The following SGO2 variants were observed in gnomAD, a reference collection of about 807,000 sequenced individuals.
SGO2 encodes shugoshin 2.
SGO2 carries 68 observed loss-of-function variants against 99.5 expected under a neutral mutation model. The observed-to-expected ratio is 0.68, with a 90% CI of 0.56 to 0.84. The LOEUF (loss-of-function observed/expected upper bound fraction) is 0.84, where lower values mean the gene tolerates loss of function less well. Ranked by LOEUF, SGO2 falls within the 40% of genes least tolerant of loss-of-function variation. The probability of loss-of-function intolerance (pLI) is 0.00; values close to 1 mark genes in which losing one functional copy is unlikely to be tolerated. For missense variants in SGO2, 1,350 were observed against 1,436.7 expected (o/e 0.94, Z 0.97); for synonymous variants, 457 against 487.1 (o/e 0.94, Z 0.81).
At chr2:200,538,033 T>C (rs1024976672) in intron 4 of SGO2, among the ~76,000 whole-genome samples, 2 of 152,208 alleles carry the variant, frequency 1.3e-5, no homozygotes, top group Non-Finnish European at 2.9e-5. Flanking sequence ...GGCACTGTTA[T>C]GTCTTACTTA....
intron 1 of SGO2, among the ~76,000 whole-genome samples, chr2:200,529,217 T>G (rs748065113): frequency 6.6e-5 from 10 of 152,250 alleles, no homozygotes; most frequent in Non-Finnish European, 1.2e-4. Flanking sequence ...TGTTTCATTT[T>G]CATGCATTTA....
intron 5 of SGO2, among the ~76,000 whole-genome samples, chr2:200,563,252 G>T (rs187929389): frequency 1.3e-5 from 2 of 152,140 alleles, no homozygotes; most frequent in Non-Finnish European, 2.9e-5. Context: ...AATTTATTGG[G>T]AGTTTTTAGC....
rs765940160 is a variant in SGO2, at chr2:200,573,018, C to T, written c.2672C>T (p.Thr891Ile). The change falls in exon 7 of 9, where the codon ACT becomes ATT. Residue 891 changes from threonine (T) to isoleucine (I), a missense_variant. By Grantham distance (89) the Thr-to-Ile change is moderately conservative. Transcript: ENST00000357799. ...ATATTGGAGTTGAAAAAGTATGTTACTGATAGGAAATCTGCTGAGCAAAAT... is the reference window on the plus strand; with the variant it reads ...ATATTGGAGTTGAAAAAGTATGTTATTGATAGGAAATCTGCTGAGCAAAAT... ...QNILELKKYV[T>I]DRKSAEQNES... The T allele has an allele frequency of 1.3e-6, 2 of 1,570,766 alleles. No homozygotes were observed. Among genetic ancestry groups the T allele is most frequent in the Non-Finnish European group, 1.7e-6 (2 of 1,165,308 alleles).
At chr2:200,563,728 A>G (rs1263031512) in intron 5 of SGO2, among the ~76,000 whole-genome samples, 1 of 152,162 alleles carries the variant, frequency 6.6e-6, no homozygotes. Flanking sequence ...TATTGCCTCA[A>G]TTTCAGAACC....
rs1404920022 is a variant in SGO2, at chr2:200,573,809, G to A, written c.3463G>A (p.Val1155Ile). The change falls in exon 7 of 9, where the codon GTT (valine) becomes ATT (isoleucine). Residue 1155 changes from valine to isoleucine, a missense_variant. Coordinates refer to ENST00000357799, the MANE Select transcript of SGO2 (RefSeq NM_152524.6). ...PNIQDSSFDSVREGLVPLSVS... is the reference protein window; with the variant it reads ...PNIQDSSFDSIREGLVPLSVS... The stretch of plus-strand genomic sequence containing the variant: ...CATACAAGATTCTTCCTTTGACAGT[G>A]TTCGTGAAGGTTTAGTACCTTTGAG... 6.2e-7 allele frequency: 1 copy of A among 1,612,834 alleles called. No homozygotes were observed. Among genetic ancestry groups the A allele is most frequent in the Non-Finnish European group, 8.5e-7 (1 of 1,179,334 alleles).
In SGO2 at chr2:200,572,248, TAAAGATGTGGTGCATGGCCTAAA is replaced by T; in HGVS notation, c.1906_1928del (p.Asp636ArgfsTer2). 6.2e-7 allele frequency: 1 copy of T among 1,612,540 alleles called. No homozygotes were observed. Among genetic ancestry groups the T allele is most frequent in the Non-Finnish European group, 8.5e-7 (1 of 1,179,478 alleles). On this transcript the variant is annotated frameshift_variant, in exon 7 of 9. Transcript: ENST00000357799. LOFTEE classifies it high-confidence loss of function. ...TGAACCACATGTATGAGGATAATGA[TAAAGATGTGGTGCATGGCCTAAA>T]AAAAGGTAATTTTTTTTTCAAAACC...
intron 4 of SGO2, 151 bp from the exon 5 acceptor site, chr2:200,542,428 C>T: frequency 3.8e-6 from 2 of 525,052 alleles, no homozygotes; most frequent in Non-Finnish European, 6.7e-6. Flanking sequence ...GTGTTTTAAC[C>T]TTATTATCAC....
intron 5 of SGO2, among the ~76,000 whole-genome samples, chr2:200,547,408 A>G (rs2032276597): frequency 6.6e-6 from 1 of 152,218 alleles, no homozygotes; most frequent in Non-Finnish European, 1.5e-5. Context: ...TCTGAAAGTA[A>G]AAAACACTAC....
chr2:200,544,487 G>A (rs995794861), intron 5 of SGO2, among the ~76,000 whole-genome samples: 1 of 152,102 alleles, frequency 6.6e-6, no homozygotes, highest in African/African-American at 2.4e-5. Flanking sequence ...TTACCATGTT[G>A]GCCAGGCTGA....
rs148564304 is a variant in SGO2 at position 200,583,129 on chromosome 2, T to C, written c.3783-320T>C. Among the ~76,000 whole-genome samples, 171 of 152,300 alleles carry C rather than the reference T, an allele frequency of 1.1e-3. 1 individual carries two copies. Among genetic ancestry groups the C allele is most frequent in the African/African-American group, 4.0e-3 (165 of 41,580 alleles). ...TGTAGGAACATGAGCATTTACTTTG[T>C]TTTTAAATGGTATATTTTCACATGT... On this transcript the variant is annotated intron_variant, in intron 8 of 8. Transcript: ENST00000357799.
intron 5 of SGO2, 187 bp downstream of exon 5, chr2:200,542,851 A>G (rs1345472196): frequency 7.2e-6 from 3 of 414,696 alleles, no homozygotes; most frequent in Non-Finnish European, 1.3e-5. Context: ...CTTACGGTCA[A>G]TCCCCCAACC....
intron 8 of SGO2, among the ~76,000 whole-genome samples, chr2:200,580,763 A>C (rs1559222992): frequency 6.6e-6 from 1 of 152,210 alleles, no homozygotes; most frequent in Non-Finnish European, 1.5e-5. Context: ...TGGGCCTGGT[A>C]GGTCAAGGCT....
Position 200,572,264 on chromosome 2 carries a change from G to T in SGO2, c.1918G>T (p.Gly640Cys), listed in dbSNP as rs1370103299. 6 of 1,610,848 alleles carry T rather than the reference G, an allele frequency of 3.7e-6. No homozygotes were observed. The South Asian group carries it at 6.6e-5, about 18-fold the overall frequency. The change falls in exon 7 of 9, where the codon GGC becomes TGC. Residue 640 changes from glycine (G) to cysteine (C), a missense_variant. Gly to Cys is a radical substitution (Grantham distance 159). Coordinates refer to ENST00000357799, the MANE Select transcript of SGO2 (RefSeq NM_152524.6). ...YEDNDKDVVH[G>C]LKKGNFFFKT... is the part of the protein sequence containing the mutation. The stretch of plus-strand genomic sequence containing the variant: ...GGATAATGATAAAGATGTGGTGCAT[G>T]GCCTAAAAAAAGGTAATTTTTTTTT...
chr2:200,578,822 G>A (rs2033748381), intron 8 of SGO2, among the ~76,000 whole-genome samples: 1 of 152,108 alleles, frequency 6.6e-6, no homozygotes, highest in Non-Finnish European at 1.5e-5. Flanking sequence ...ATCCTCTCAT[G>A]GTTTTTCTTT....
In SGO2 at chr2:200,577,300, A is replaced by G. The variant is rs142455474; in HGVS notation, c.3782+1839A>G. The stretch of plus-strand genomic sequence containing the variant: ...AACTAATGATGTTGAGCGTCTTTTC[A>G]TGTGCTTACTGGCCATCTGTGTATC... On this transcript the variant is annotated intron_variant, in intron 8 of 8. Transcript: ENST00000357799. Among the ~76,000 whole-genome samples the G allele has an allele frequency of 3.3e-3, 507 of 152,214 alleles. 4 individuals carry two copies. Among genetic ancestry groups the G allele is most frequent in the African/African-American group, 0.012 (488 of 41,530 alleles).
chr2:200,560,669 A>G (rs1451239431), intron 5 of SGO2, among the ~76,000 whole-genome samples: 1 of 152,118 alleles, frequency 6.6e-6, no homozygotes, highest in Non-Finnish European at 1.5e-5. Flanking sequence ...TTGATTTGCT[A>G]ATATTTTCTT....
chr2:200,546,339 C>T (rs113664883), intron 5 of SGO2, among the ~76,000 whole-genome samples: 22,356 of 120,346 alleles, frequency 0.19, 2,050 homozygotes, highest in Middle Eastern at 0.26. Flanking sequence ...GGCTATCGAG[C>T]GAGACTCCAT....
At chr2:200,562,074 G>C (rs555311213) in intron 5 of SGO2, among the ~76,000 whole-genome samples, 4 of 152,270 alleles carry the variant, frequency 2.6e-5, no homozygotes, top group Non-Finnish European at 4.4e-5. Context: ...GATCCCACTT[G>C]TCAATTTTGG....
chr2:200,582,995 AG>A, intron 8 of SGO2, among the ~76,000 whole-genome samples: 1 of 152,320 alleles, frequency 6.6e-6, no homozygotes, highest in South Asian at 2.1e-4. Flanking sequence ...CTGTAAAGAA[AG>A]GAGTGATAAT....
Sources: allele counts gnomAD v4.1 joint callset (sites outside exome capture counted in the v4.1 genomes callset), GRCh38; gene constraint gnomAD v4.1.1; transcripts MANE v1.5; gene names NCBI Gene and HGNC (gene_info 2026-07-23, HGNC 2026-07-21).